Variants in INTS6 observed in about 807,000 individuals in gnomAD.
The protein encoded by INTS6 is integrator complex subunit 6.
In INTS6, 16 loss-of-function variants were observed where a neutral mutation model predicts 104.9. The observed-to-expected ratio is 0.15, with a 90% CI of 0.10 to 0.23. The LOEUF (loss-of-function observed/expected upper bound fraction) is 0.23. Among genes scored for constraint, INTS6 ranks in the 10% least tolerant of loss-of-function variants. The pLI is 1.00. For missense variants in INTS6, 584 were observed against 1,062.8 expected, an observed-to-expected ratio of 0.55 and a Z score of 6.26; for synonymous variants, 324 against 358.7, an observed-to-expected ratio of 0.90 and a Z score of 1.09.
chr13:51,406,897 TG>T (rs1309633158), intron 4 of INTS6, among the ~76,000 whole-genome samples: 319 of 149,742 alleles, frequency 2.1e-3, no homozygotes, highest in African/African-American at 7.4e-3. Flanking sequence ...GATTTTTTTG[TG>T]ATTTTTTTTT....
At chr13:51,346,345 C>T in the INTS6 span, among the ~76,000 whole-genome samples, 2 of 152,082 alleles carry the variant, frequency 1.3e-5, no homozygotes, top group African/African-American at 4.8e-5. Flanking sequence ...CGACAATGTG[C>T]AGGATCTCCC....
At chr13:51,341,471 A>C in the INTS6 span, 1 of 957,932 alleles carries the variant, frequency 1.0e-6, no homozygotes, top group Non-Finnish European at 1.5e-6. Context: ...TCATACTCAC[A>C]CTCACTCTCT....
At chr13:51,409,964 AC>A (rs1433470581) in intron 4 of INTS6, among the ~76,000 whole-genome samples, 1 of 152,200 alleles carries the variant, frequency 6.6e-6, no homozygotes, top group Non-Finnish European at 1.5e-5. Context: ...TGTACTAACA[AC>A]AAATCATCAG....
Position 51,452,778 on chromosome 13 carries a change from G to C in INTS6, c.-253C>G. The stretch of plus-strand genomic sequence containing the variant: ...CCTGCCTGCCTGCCCGCTGGGGCGG[G>C]CGCCCAGCCGTCTGTCTGTCGGTTC... On this transcript the variant is annotated 5_prime_UTR_variant, in exon 1 of 18. Transcript: ENST00000311234. This position sits in a 1 kb window ranked among gnomAD's most constrained non-coding sequence, Gnocchi z 4.2. 2.5e-6 allele frequency: 3 copies of C among 1,209,054 alleles called. No individual in the cohort carries two copies. The highest frequency in any genetic ancestry group is 3.1e-6 in the Non-Finnish European group (3 of 966,718). The allele number at this position is 1,209,054 out of a possible 1,614,324, so 74.9% of individuals were successfully genotyped here.
At chr13:51,401,843 A>G (rs971009701) in intron 4 of INTS6, among the ~76,000 whole-genome samples, 20 of 152,182 alleles carry the variant, frequency 1.3e-4, no homozygotes, top group African/African-American at 4.6e-4. Flanking sequence ...CTGCCTAACC[A>G]GGAGTGGAAA....
chr13:51,443,929 T>C (rs1440941994), intron 3 of INTS6: 1 of 152,204 alleles, frequency 6.6e-6, no homozygotes, highest in East Asian at 1.9e-4. Flanking sequence ...TAATTCAAAA[T>C]ACACAAATAA....
In INTS6 at chr13:51,452,621, G is replaced by C. The variant is rs376376636; in HGVS notation, c.-96C>G. ...GGCGGCGACCGCCGCTACGCGGGGC[G>C]GGGGAGCACGGCCCCCGGGAGGAAA... On this transcript the variant is annotated 5_prime_UTR_variant, in exon 1 of 18. Coordinates refer to ENST00000311234, the MANE Select transcript of INTS6 (RefSeq NM_012141.3). The surrounding 1 kb of genome is among the most constrained non-coding windows in gnomAD (Gnocchi z 4.2). 13 of 1,533,294 alleles carry C rather than the reference G, an allele frequency of 8.5e-6. No homozygotes were observed. Among genetic ancestry groups the C allele is most frequent in the African/African-American group, 1.4e-5 (1 of 70,774 alleles). 95.0% of individuals were successfully genotyped at this position (1,533,294 alleles called of 1,614,324 possible). A position where few individuals can be genotyped will look rare whatever the true frequency, so the allele number is the denominator to read the frequency against.
chr13:51,399,937 G>C (rs1193754943), intron 4 of INTS6, among the ~76,000 whole-genome samples: 1 of 152,108 alleles, frequency 6.6e-6, no homozygotes, highest in East Asian at 1.9e-4. Context: ...TTATTGCAGG[G>C]ATCCCCAAGT....
At chr13:51,404,407 G>C (rs1956518227) in intron 4 of INTS6, among the ~76,000 whole-genome samples, 1 of 152,070 alleles carries the variant, frequency 6.6e-6, no homozygotes, top group Non-Finnish European at 1.5e-5. Context: ...CCAAGAGCTG[G>C]AAGTCTTATT....
the INTS6 span, among the ~76,000 whole-genome samples, chr13:51,342,121 A>G: frequency 2.7e-5 from 4 of 147,484 alleles, no homozygotes; most frequent in Admixed American, 2.1e-4. Flanking sequence ...ACAGATACTC[A>G]CACACATTAA....
rs114428563 is a variant in INTS6, at chr13:51,402,292, A to G, written c.430-6809T>C. On this transcript the variant is annotated intron_variant, in intron 4 of 17. Transcript: ENST00000311234. ...CCCCTTTTCAGAGATGAACTGTAATATAAGATTGTATGTTAGGAGACATCT... is the reference window on the plus strand; with the variant it reads ...CCCCTTTTCAGAGATGAACTGTAATGTAAGATTGTATGTTAGGAGACATCT... Among the ~76,000 whole-genome samples the G allele has an allele frequency of 1.3e-3, 205 of 152,336 alleles. 1 individual carries two copies. Among genetic ancestry groups the G allele is most frequent in the African/African-American group, 4.8e-3 (200 of 41,576 alleles).
intron 17 of INTS6, among the ~76,000 whole-genome samples, chr13:51,367,208 GA>G (rs1955709709): frequency 6.6e-6 from 1 of 151,516 alleles, no homozygotes; most frequent in African/African-American, 2.4e-5. Context: ...GAATTAGACT[GA>G]ATTATTTAGA....
At chr13:51,418,348 CT>C (rs1434287787) in intron 4 of INTS6, among the ~76,000 whole-genome samples, 1 of 151,612 alleles carries the variant, frequency 6.6e-6, no homozygotes, top group African/African-American at 2.4e-5. Flanking sequence ...CCTATATCAG[CT>C]TTTTCTTTAG....
intron 4 of INTS6, among the ~76,000 whole-genome samples, chr13:51,408,127 G>C (rs776545690): frequency 1.4e-4 from 21 of 148,628 alleles, no homozygotes; most frequent in Non-Finnish European, 3.0e-4. Context: ...ATTTAGACTA[G>C]AATAAACCAT....
chr13:51,369,445 T>C (rs1452275390), intron 15 of INTS6, 135 bp from the exon 16 acceptor site: 13 of 859,722 alleles, frequency 1.5e-5, no homozygotes, highest in Middle Eastern at 2.9e-4. Context: ...TAATGTGATA[T>C]AGTTTTTAAG....
At chr13:51,430,427 G>A (rs555352975) in intron 3 of INTS6, 44 bp from the exon 4 acceptor site, 1 of 1,487,506 alleles carries the variant, frequency 6.7e-7, no homozygotes, top group African/African-American at 1.4e-5. Flanking sequence ...TTTAGACTTT[G>A]GCTTACAAAG....
At chr13:51,437,709 T>C (rs1308848840) in intron 3 of INTS6, 2 of 152,158 alleles carry the variant, frequency 1.3e-5, no homozygotes, top group Non-Finnish European at 2.9e-5. Flanking sequence ...TGAAAATAAT[T>C]GGGTAAGGCA....
At chr13:51,347,393 G>A in the INTS6 span, among the ~76,000 whole-genome samples, 3 of 152,186 alleles carry the variant, frequency 2.0e-5, no homozygotes, top group African/African-American at 7.2e-5. Context: ...AGACTAAGGT[G>A]CCCGGAGACT....
Position 51,452,812 on chromosome 13 carries a change from C to A in INTS6, c.-287G>T, listed in dbSNP as rs1018720017. The A allele has an allele frequency of 6.3e-5, 74 of 1,177,374 alleles. No individual in the cohort carries two copies. The African/African-American group carries it at 1.2e-3, about 19-fold the overall frequency. The allele number at this position is 1,177,374 out of a possible 1,614,324, so 72.9% of individuals were successfully genotyped here. Reference sequence around the variant, plus strand: ...CGTCTGTCTGTCGGTTCGTCCCCCCCGCCTCGGGGGTCCCGTCCCCGCTCC... The same window carrying A: ...CGTCTGTCTGTCGGTTCGTCCCCCCAGCCTCGGGGGTCCCGTCCCCGCTCC... On this transcript the variant is annotated 5_prime_UTR_variant, in exon 1 of 18. Coordinates refer to ENST00000311234, the MANE Select transcript of INTS6 (RefSeq NM_012141.3). This position sits in a 1 kb window ranked among gnomAD's most constrained non-coding sequence, Gnocchi z 4.2.
Sources: allele counts gnomAD v4.1 joint callset (sites outside exome capture counted in the v4.1 genomes callset), GRCh38; gene constraint gnomAD v4.1.1; non-coding constraint Gnocchi (gnomAD v3.1); transcripts MANE v1.5; gene names NCBI Gene and HGNC (gene_info 2026-07-23, HGNC 2026-07-21).